The following TENM1 variants were observed in gnomAD, a reference collection of about 807,000 sequenced individuals.
The protein encoded by TENM1 is teneurin-1.
TENM1 carries 35 observed loss-of-function variants against 174.8 expected under a neutral mutation model. The observed-to-expected ratio is 0.20, with a 90% CI of 0.15 to 0.27. TENM1 has a LOEUF of 0.27. Ranked by LOEUF, TENM1 falls within the 10% of genes least tolerant of loss-of-function variation. TENM1 has a pLI of 1.00. For synonymous variants in TENM1, 781 were observed against 798.7 expected, an observed-to-expected ratio of 0.98 and a Z score of 0.37; for missense variants, 1,633 against 2,130.1, an observed-to-expected ratio of 0.77 and a Z score of 4.59.
At chrX:125,015,855 C>T in the TENM1 span, among the ~76,000 whole-genome samples, 12 of 111,319 alleles carry the variant, frequency 1.1e-4, no homozygotes, top group African/African-American at 3.9e-4. Flanking sequence ...CTTTGGGCCT[C>T]GGTTTCAAAA....
chrX:124,758,659 T>C (rs184713551), intron 3 of TENM1, among the ~76,000 whole-genome samples: 5 of 111,409 alleles, frequency 4.5e-5, no homozygotes, highest in Non-Finnish European at 9.4e-5. Flanking sequence ...GAGGAACGGA[T>C]AAAGAAGGTG....
chrX:125,108,130 C>T, the TENM1 span, among the ~76,000 whole-genome samples: 8 of 111,934 alleles, frequency 7.1e-5, no homozygotes, highest in African/African-American at 2.0e-4. Flanking sequence ...AGTCACCCTC[C>T]ATACTCCATG....
the TENM1 span, among the ~76,000 whole-genome samples, chrX:124,998,333 T>C: frequency 9.1e-6 from 1 of 109,925 alleles, no homozygotes; most frequent in African/African-American, 3.3e-5. Context: ...ACTGAGAGGT[T>C]TCAAGAAAAG....
chrX:124,821,406 AT>A (rs2056034844), intron 3 of TENM1, among the ~76,000 whole-genome samples: 1 of 112,095 alleles, frequency 8.9e-6, no homozygotes, highest in Non-Finnish European at 1.9e-5. Context: ...ACCATGAAAA[AT>A]TAGAACGATT....
the TENM1 span, among the ~76,000 whole-genome samples, chrX:125,052,486 A>C: frequency 9.0e-6 from 1 of 111,464 alleles, no homozygotes; most frequent in East Asian, 2.8e-4. Context: ...CACTGAGGAG[A>C]GTCACCAATA....
At chrX:124,484,442 T>C (rs894707754) in intron 21 of TENM1, among the ~76,000 whole-genome samples, 2 of 112,013 alleles carry the variant, frequency 1.8e-5, no homozygotes, top group Non-Finnish European at 3.8e-5. Context: ...GGGTGGAGTA[T>C]CTACATAAAT....
chrX:124,725,287 G>C (rs961136513), intron 4 of TENM1, among the ~76,000 whole-genome samples: 19 of 111,407 alleles, frequency 1.7e-4, no homozygotes, highest in African/African-American at 5.9e-4. Context: ...GTTTTTATTT[G>C]TTTTGTTCTC....
At chrX:124,666,436 T>C (rs1286657737) in intron 6 of TENM1, among the ~76,000 whole-genome samples, 3 of 111,895 alleles carry the variant, frequency 2.7e-5, no homozygotes, top group African/African-American at 9.7e-5. Context: ...TTCCCCAACC[T>C]TTTGTTTTCC....
At chrX:124,453,816 C>T (rs187253649) in intron 22 of TENM1, among the ~76,000 whole-genome samples, 212 of 111,060 alleles carry the variant, frequency 1.9e-3, no homozygotes, top group Non-Finnish European at 3.1e-3. Context: ...TGGGAAAAGA[C>T]GGGGAGATCA....
At chrX:124,611,717 T>A (rs761583092) in intron 11 of TENM1, among the ~76,000 whole-genome samples, 1 of 112,170 alleles carries the variant, frequency 8.9e-6, no homozygotes, top group Non-Finnish European at 1.9e-5. Flanking sequence ...CTTGTTCTAC[T>A]CACTAGACTT....
intron 22 of TENM1, among the ~76,000 whole-genome samples, chrX:124,473,961 C>A (rs993225049): frequency 5.4e-5 from 6 of 111,282 alleles, no homozygotes; most frequent in Non-Finnish European, 1.1e-4. Context: ...ATTGCTGCAT[C>A]TCAAGGTGAG....
chrX:124,469,822 A>C (rs2147895168), intron 22 of TENM1, among the ~76,000 whole-genome samples: 2 of 112,109 alleles, frequency 1.8e-5, no homozygotes, highest in East Asian at 5.6e-4. Flanking sequence ...ACAACAGCTC[A>C]GTAGAAAAAC....
At chrX:125,009,934 T>C in the TENM1 span, among the ~76,000 whole-genome samples, 1 of 111,691 alleles carries the variant, frequency 9.0e-6, no homozygotes. Flanking sequence ...TCATACTGAA[T>C]GGGCAAAAGC....
At chrX:124,549,490 T>C (rs2048509386) in intron 14 of TENM1, among the ~76,000 whole-genome samples, 1 of 111,339 alleles carries the variant, frequency 9.0e-6, no homozygotes, top group Non-Finnish European at 1.9e-5. Context: ...TTTTTGAAAA[T>C]AAATAGATTT....
chrX:125,154,692 G>A, the TENM1 span, among the ~76,000 whole-genome samples: 1 of 110,759 alleles, frequency 9.0e-6, no homozygotes, highest in African/African-American at 3.3e-5. Flanking sequence ...AAGGCGGCGT[G>A]TCCAGAGTTT....
intron 1 of TENM1, among the ~76,000 whole-genome samples, chrX:124,942,846 G>C (rs751130318): frequency 3.3e-4 from 37 of 111,169 alleles, no homozygotes; most frequent in Non-Finnish European, 6.4e-4. Context: ...TAGATGTCTT[G>C]TCACTTTCTA....
At chrX:125,108,946 A>C in the TENM1 span, among the ~76,000 whole-genome samples, 1 of 110,263 alleles carries the variant, frequency 9.1e-6, no homozygotes, top group African/African-American at 3.3e-5. Flanking sequence ...GACTGTACTA[A>C]AGTCTCATTA....
intron 19 of TENM1, among the ~76,000 whole-genome samples, chrX:124,498,311 C>G (rs2047248045): frequency 9.0e-6 from 1 of 111,207 alleles, no homozygotes; most frequent in African/African-American, 3.3e-5. Context: ...ACTTCTTGGT[C>G]TCCTGGTCTC....
chrX:124,936,528 G>A (rs1046073954), intron 1 of TENM1, among the ~76,000 whole-genome samples: 5 of 111,869 alleles, frequency 4.5e-5, no homozygotes, highest in Non-Finnish European at 7.5e-5. Context: ...CAATGAAGAC[G>A]GGGTATATAT....
Sources: gnomAD v4.1 joint callset for allele counts (sites outside exome capture counted in the v4.1 genomes callset) on GRCh38, gnomAD v4.1.1 for gene constraint, MANE v1.5 for transcripts, NCBI Gene and HGNC (gene_info 2026-07-23, HGNC 2026-07-21) for gene names.